SEMA5A: variants seen among roughly 807,000 people sequenced by gnomAD.
SEMA5A encodes the protein semaphorin 5A.
A neutral mutation model predicts 135.5 loss-of-function variants in SEMA5A; 55 were observed. The ratio of observed to expected loss-of-function variants is 0.41; its 90% confidence interval spans 0.33 to 0.51. The LOEUF is 0.51. SEMA5A is among the 20% of genes least tolerant of loss of function. SEMA5A has a pLI of 0.37. For missense variants in SEMA5A, 1,290 were observed against 1,419.9 expected (o/e 0.91, Z 1.47); for synonymous variants, 580 against 546.5 (o/e 1.06, Z -0.85).
chr5:9,090,550 G>A (rs895678151), intron 16 of SEMA5A, among the ~76,000 whole-genome samples: 2 of 152,190 alleles, frequency 1.3e-5, no homozygotes, highest in African/African-American at 4.8e-5. Context: ...GACTTCTGGT[G>A]CAACTGTTTG....
intron 13 of SEMA5A, among the ~76,000 whole-genome samples, chr5:9,132,805 T>A (rs73740344): frequency 6.6e-6 from 1 of 152,152 alleles, no homozygotes; most frequent in Non-Finnish European, 1.5e-5. Context: ...TGTAACAGGA[T>A]CTCCTGTCTT....
At chr5:9,100,305 T>C (rs1410161871) in intron 16 of SEMA5A, among the ~76,000 whole-genome samples, 1 of 152,122 alleles carries the variant, frequency 6.6e-6, no homozygotes, top group Non-Finnish European at 1.5e-5. Context: ...CCCCTCAGCC[T>C]CCTGTGGTCC....
chr5:9,297,072 T>C (rs912679523), intron 5 of SEMA5A, among the ~76,000 whole-genome samples: 11 of 151,700 alleles, frequency 7.3e-5, no homozygotes, highest in African/African-American at 2.7e-4. Flanking sequence ...TATGAGAAAA[T>C]ACATGAAAAC....
chr5:9,256,159 T>C (rs40711), intron 5 of SEMA5A, among the ~76,000 whole-genome samples: 149,480 of 152,284 alleles, frequency 0.98, 73,443 homozygotes, highest in East Asian at 1. Context: ...CTTTCCTCTA[T>C]GACTCACCCA....
chr5:9,352,102 T>TGG lies in SEMA5A; in HGVS notation c.125-14291_125-14290insCC, dbSNP rs5865826. Among the ~76,000 whole-genome samples, 31 of 141,130 alleles carry TGG rather than the reference T, an allele frequency of 2.2e-4. 1 individual carries two copies. The highest frequency in any genetic ancestry group is 1.7e-3 in the South Asian group (7 of 4,120). The allele number at this position is 141,130 out of a possible 152,430, so 92.6% of individuals were successfully genotyped here. A position where few individuals can be genotyped will look rare whatever the true frequency, so the allele number is the denominator to read the frequency against. Reference sequence around the variant, plus strand: ...TAATGAATGTAACAGGTCGGGGGGGTTACTTAAGAGTAGGGTATAAGTTTA... The same window carrying TGG: ...TAATGAATGTAACAGGTCGGGGGGGTGGTACTTAAGAGTAGGGTATAAGTTTA... On this transcript the variant is annotated intron_variant, in intron 3 of 22. Transcript: ENST00000382496.
intron 12 of SEMA5A, among the ~76,000 whole-genome samples, chr5:9,144,331 G>A (rs921435377): frequency 6.6e-6 from 1 of 152,172 alleles, no homozygotes; most frequent in African/African-American, 2.4e-5. Context: ...GAATGCAGAA[G>A]GTGTCAAGTA....
In SEMA5A at chr5:9,312,638, T is replaced by G. The variant is rs140628652; in HGVS notation, c.270+5734A>C. ...GAGATTTACCTCATACAGATAACAT[T>G]CACTCAGGGTAACAGAGTACTTGTA... is the stretch of plus-strand genomic sequence containing the variant. On this transcript the variant is annotated intron_variant, in intron 5 of 22. Transcript: ENST00000382496. Among the ~76,000 whole-genome samples the G allele has an allele frequency of 2.4e-4, 37 of 152,286 alleles. 1 individual carries two copies. Among genetic ancestry groups the G allele is most frequent in the African/African-American group, 7.9e-4 (33 of 41,576 alleles).
intron 12 of SEMA5A, among the ~76,000 whole-genome samples, chr5:9,148,469 C>T (rs377284989): frequency 4.6e-5 from 7 of 152,240 alleles, no homozygotes; most frequent in South Asian, 2.1e-4. Context: ...CCTCCCTGGT[C>T]CTGGAACGCG....
intron 1 of SEMA5A, among the ~76,000 whole-genome samples, chr5:9,516,285 C>A (rs996465689): frequency 2.6e-5 from 4 of 152,138 alleles, no homozygotes; most frequent in Non-Finnish European, 5.9e-5. Flanking sequence ...CACGTATACA[C>A]ACACACCACA....
At chr5:9,402,384 T>C (rs1756695764) in intron 2 of SEMA5A, among the ~76,000 whole-genome samples, 1 of 152,254 alleles carries the variant, frequency 6.6e-6, no homozygotes, top group African/African-American at 2.4e-5. Flanking sequence ...CTTTGAGCTC[T>C]TTCTGGAATC....
intron 5 of SEMA5A, among the ~76,000 whole-genome samples, chr5:9,306,173 T>C (rs1579314991): frequency 6.6e-6 from 1 of 152,226 alleles, no homozygotes; most frequent in East Asian, 1.9e-4. Flanking sequence ...AGTCTGTGAG[T>C]TGATACCTTT....
intron 5 of SEMA5A, among the ~76,000 whole-genome samples, chr5:9,288,878 C>T (rs1178444462): frequency 1.3e-5 from 2 of 151,446 alleles, no homozygotes; most frequent in Admixed American, 1.3e-4. Context: ...TGAGGACACA[C>T]AAAAAAAAGG....
At chr5:9,089,594 C>G (rs189327911) in intron 16 of SEMA5A, among the ~76,000 whole-genome samples, 1 of 152,268 alleles carries the variant, frequency 6.6e-6, no homozygotes, top group African/African-American at 2.4e-5. Flanking sequence ...GATAAATTAT[C>G]CCCACTCTTG....
chr5:9,339,589 TAATC>T (rs1579372895), intron 3 of SEMA5A, among the ~76,000 whole-genome samples: 1 of 151,128 alleles, frequency 6.6e-6, no homozygotes, highest in African/African-American at 2.4e-5. Context: ...AAGAGAGAAA[TAATC>T]AAAAAGAAAG....
At chr5:9,105,890 G>A (rs1739887537) in intron 16 of SEMA5A, among the ~76,000 whole-genome samples, 1 of 152,204 alleles carries the variant, frequency 6.6e-6, no homozygotes, top group African/African-American at 2.4e-5. Flanking sequence ...GCTTTAGCTA[G>A]GTAACTATCA....
intron 1 of SEMA5A, among the ~76,000 whole-genome samples, chr5:9,442,584 C>T (rs1290051320): frequency 6.6e-6 from 1 of 152,134 alleles, no homozygotes; most frequent in African/African-American, 2.4e-5. Flanking sequence ...CCATGAGCCA[C>T]ATGGCAAACA....
chr5:9,326,157 C>T (rs1177700020), intron 4 of SEMA5A, among the ~76,000 whole-genome samples: 2 of 152,200 alleles, frequency 1.3e-5, no homozygotes, highest in African/African-American at 4.8e-5. Flanking sequence ...CTTCCATCCT[C>T]ACTGCTGTCA....
intron 5 of SEMA5A, among the ~76,000 whole-genome samples, chr5:9,274,883 AG>A (rs1750173039): frequency 6.6e-6 from 1 of 152,190 alleles, no homozygotes; most frequent in Admixed American, 6.5e-5. Flanking sequence ...AAAGCAGGAA[AG>A]ATCTAAAATC....
At chr5:9,054,507 C>A (rs1736781007) in intron 18 of SEMA5A, among the ~76,000 whole-genome samples, 1 of 152,150 alleles carries the variant, frequency 6.6e-6, no homozygotes, top group South Asian at 2.1e-4. Context: ...TTTCAGTTCC[C>A]TTTATTCACT....
Sources: gnomAD v4.1 joint callset for allele counts (sites outside exome capture counted in the v4.1 genomes callset) on GRCh38, gnomAD v4.1.1 for gene constraint, MANE v1.5 for transcripts, NCBI Gene and HGNC (gene_info 2026-07-23, HGNC 2026-07-21) for gene names.